The following AGBL4 variants were observed in gnomAD, a reference collection of about 807,000 sequenced individuals.
AGBL4 encodes AGBL carboxypeptidase 4.
In AGBL4, 58 loss-of-function variants were observed where a neutral mutation model predicts 66.4. The ratio of observed to expected loss-of-function variants is 0.87; its 90% CI spans 0.71 to 1.09. The LOEUF (loss-of-function observed/expected upper bound fraction) is 1.09. Among genes scored for constraint, AGBL4 ranks in the 50% least tolerant of loss-of-function variants. AGBL4 has a pLI of 0.00. For missense variants in AGBL4, 579 were observed against 631.0 expected (o/e 0.92, Z 0.88); for synonymous variants, 234 against 222.9 (o/e 1.05, Z -0.44).
At chr1:48,936,666 T>C (rs1453718870) in intron 5 of AGBL4, among the ~76,000 whole-genome samples, 2 of 152,216 alleles carry the variant, frequency 1.3e-5, no homozygotes, top group Non-Finnish European at 1.5e-5. Flanking sequence ...CTTGGCTACA[T>C]GGTGAGAATG....
intron 6 of AGBL4, among the ~76,000 whole-genome samples, chr1:48,748,154 AC>A (rs1396833987): frequency 1.3e-5 from 2 of 152,202 alleles, no homozygotes; most frequent in African/African-American, 4.8e-5. Flanking sequence ...CAGCTTCATA[AC>A]AATGAAGGAG....
At chr1:49,753,193 C>A (rs1409870794) in intron 2 of AGBL4, among the ~76,000 whole-genome samples, 1 of 152,184 alleles carries the variant, frequency 6.6e-6, no homozygotes, top group Non-Finnish European at 1.5e-5. Flanking sequence ...TATGGTTTTG[C>A]ACTGGCTGGT....
chr1:48,844,644 C>T lies in AGBL4; in HGVS notation c.634+22547G>A, dbSNP rs116380267. On this transcript the variant is annotated intron_variant, in intron 6 of 13. Transcript: ENST00000371839. ...TCTCCCATCTCCAGTGTTGTGAATTCCTGTGCATTTTTAAAGACCCAACTG... is the reference window on the plus strand; with the variant it reads ...TCTCCCATCTCCAGTGTTGTGAATTTCTGTGCATTTTTAAAGACCCAACTG... Among the ~76,000 whole-genome samples, 191 of 152,278 alleles carry T rather than the reference C, an allele frequency of 1.3e-3. 1 individual carries two copies. The highest frequency in any genetic ancestry group is 4.4e-3 in the African/African-American group (181 of 41,556).
At chr1:48,783,136 T>A (rs1416667457) in intron 6 of AGBL4, among the ~76,000 whole-genome samples, 1 of 152,184 alleles carries the variant, frequency 6.6e-6, no homozygotes, top group Non-Finnish European at 1.5e-5. Context: ...AGAAAAGTAA[T>A]TTGCTGTGCT....
chr1:49,948,055 TATATATGTAA>T (rs1242396108), intron 1 of AGBL4, among the ~76,000 whole-genome samples: 15 of 95,672 alleles, frequency 1.6e-4, no homozygotes, highest in African/African-American at 7.0e-4. Flanking sequence ...TATATAAATA[TATATATGTAA>T]ATATATGTAA....
intron 6 of AGBL4, among the ~76,000 whole-genome samples, chr1:48,744,481 A>G (rs1650418977): frequency 6.6e-6 from 1 of 152,196 alleles, no homozygotes; most frequent in African/African-American, 2.4e-5. Context: ...AGTCTCTTCT[A>G]GCTCTGACCT....
At chr1:49,222,737 A>G (rs1649596820) in intron 4 of AGBL4, among the ~76,000 whole-genome samples, 1 of 152,208 alleles carries the variant, frequency 6.6e-6, no homozygotes, top group Non-Finnish European at 1.5e-5. Context: ...TTATTTTGTA[A>G]TAATTCATAT....
intron 3 of AGBL4, among the ~76,000 whole-genome samples, chr1:49,548,115 G>A (rs754371987): frequency 1.5e-4 from 23 of 152,206 alleles, no homozygotes; most frequent in Admixed American, 3.3e-4. Flanking sequence ...GGTTGCTGTC[G>A]TTGTAAAGAG....
chr1:49,969,850 T>C (rs571349956), intron 1 of AGBL4, among the ~76,000 whole-genome samples: 1 of 152,328 alleles, frequency 6.6e-6, no homozygotes, highest in South Asian at 2.1e-4. Context: ...AAGATTCTGA[T>C]TTGAAGCTGT....
At chr1:48,670,830 C>T (rs1295456809) in intron 6 of AGBL4, among the ~76,000 whole-genome samples, 3 of 152,234 alleles carry the variant, frequency 2.0e-5, no homozygotes, top group African/African-American at 7.2e-5. Flanking sequence ...AGTTAGGGTT[C>T]CTGGGAAACA....
chr1:49,965,595 G>A (rs1657486023), intron 1 of AGBL4, among the ~76,000 whole-genome samples: 1 of 151,996 alleles, frequency 6.6e-6, no homozygotes, highest in Admixed American at 6.6e-5. Flanking sequence ...CCTTTTCTAG[G>A]TCCCAATAAA....
At chr1:49,423,209 A>G (rs1324460473) in intron 3 of AGBL4, 1 of 152,220 alleles carries the variant, frequency 6.6e-6, no homozygotes, top group Non-Finnish European at 1.5e-5. Context: ...ACTTACGCCA[A>G]CTAATACAAT....
At chr1:49,910,212 CAAT>C (rs755893094) in intron 1 of AGBL4, among the ~76,000 whole-genome samples, 52 of 152,232 alleles carry the variant, frequency 3.4e-4, no homozygotes, top group East Asian at 1.3e-3. Context: ...ACAACAACAA[CAAT>C]GAGTTAGGAG....
At chr1:49,910,963 G>A (rs572583667) in intron 1 of AGBL4, among the ~76,000 whole-genome samples, 3 of 152,282 alleles carry the variant, frequency 2.0e-5, no homozygotes, top group East Asian at 1.9e-4. Context: ...GCAACAGAGC[G>A]AGACTCCATC....
intron 3 of AGBL4, among the ~76,000 whole-genome samples, chr1:49,292,102 G>C (rs1644545465): frequency 6.6e-6 from 1 of 152,230 alleles, no homozygotes; most frequent in Admixed American, 6.5e-5. Flanking sequence ...TCCGATCTCA[G>C]AGTAAAGCCA....
intron 2 of AGBL4, among the ~76,000 whole-genome samples, chr1:49,813,322 A>G (rs575960620): frequency 6.6e-6 from 1 of 152,272 alleles, no homozygotes; most frequent in South Asian, 2.1e-4. Context: ...CATCACTAAG[A>G]TGGAATTTAA....
chr1:48,769,572 A>AC (rs1553230018), intron 6 of AGBL4, among the ~76,000 whole-genome samples: 8 of 62,680 alleles, frequency 1.3e-4, no homozygotes, highest in South Asian at 5.4e-4. Flanking sequence ...CACACACACA[A>AC]GTTAAATTTT....
intron 9 of AGBL4, among the ~76,000 whole-genome samples, chr1:48,632,116 G>A (rs1015540972): frequency 3.9e-5 from 6 of 152,288 alleles, no homozygotes; most frequent in African/African-American, 1.2e-4. Context: ...TGAGGAGAGA[G>A]AGAGTGGGGA....
intron 6 of AGBL4, among the ~76,000 whole-genome samples, chr1:48,745,832 T>C (rs994352058): frequency 1.3e-5 from 2 of 152,162 alleles, no homozygotes; most frequent in Non-Finnish European, 2.9e-5. Context: ...CCTTGGGTAG[T>C]AGAGCTTCCT....
Sources: gnomAD v4.1 joint callset for allele counts (sites outside exome capture counted in the v4.1 genomes callset) on GRCh38, gnomAD v4.1.1 for gene constraint, MANE v1.5 for transcripts, NCBI Gene and HGNC (gene_info 2026-07-23, HGNC 2026-07-21) for gene names.